Variants in HACD2 observed in about 807,000 individuals in gnomAD.
The protein encoded by HACD2 is 3-hydroxyacyl-CoA dehydratase 2, also known as very-long-chain (3R)-3-hydroxyacyl-CoA dehydratase 2.
A neutral mutation model predicts 31.0 loss-of-function variants in HACD2; 15 were observed. The observed-to-expected ratio is 0.48, with a 90% CI of 0.32 to 0.75. HACD2 has a LOEUF of 0.75. HACD2 is among the 30% of genes least tolerant of loss of function. HACD2 has a pLI of 0.03. For missense variants in HACD2, 283 were observed against 313.0 expected, an observed-to-expected ratio of 0.90 and a Z score of 0.72; for synonymous variants, 115 against 122.2, an observed-to-expected ratio of 0.94 and a Z score of 0.39.
chr3:123,520,466 T>C (rs2056199876), intron 4 of HACD2, among the ~76,000 whole-genome samples: 1 of 152,210 alleles, frequency 6.6e-6, no homozygotes. Flanking sequence ...TGAAATTCAA[T>C]TCCTCAGTCA....
intron 3 of HACD2, among the ~76,000 whole-genome samples, chr3:123,530,738 G>T (rs2056350362): frequency 6.6e-6 from 1 of 151,810 alleles, no homozygotes; most frequent in African/African-American, 2.4e-5. Flanking sequence ...TTTTTGTAGA[G>T]ACAACGTCTT....
chr3:123,539,130 T>C (rs768813406), intron 3 of HACD2, among the ~76,000 whole-genome samples: 3 of 152,136 alleles, frequency 2.0e-5, no homozygotes, highest in African/African-American at 2.4e-5. Context: ...TTACATTAAA[T>C]AGATAAAAGG....
rs148793008 is a variant in HACD2 at position 123,511,159 on chromosome 3, C to T, written c.382-8478G>A. On this transcript the variant is annotated intron_variant, in intron 4 of 6. Coordinates refer to ENST00000383657, the MANE Select transcript of HACD2 (RefSeq NM_198402.5). ...CTCTTTTTAATATTTATGGTGACAG[C>T]AGTAAAAATAATTATACCTAATTGT... 2.3e-4 allele frequency among the ~76,000 whole-genome samples: 35 copies of T among 152,124 alleles called. No homozygotes were observed. The East Asian group carries it at 6.2e-3, about 27-fold the overall frequency.
intron 5 of HACD2, 149 bp from the exon 6 acceptor site, chr3:123,500,842 C>A: frequency 4.1e-6 from 2 of 488,762 alleles, no homozygotes; most frequent in African/African-American, 2.0e-5. Flanking sequence ...TCAGGTTTTA[C>A]AAGCCAGTTT....
Position 123,492,328 on chromosome 3 carries a change from T to G in HACD2, c.*2560A>C, listed in dbSNP as rs930157023. 6.6e-6 allele frequency: 1 copy of G among 152,228 alleles called. No homozygotes were observed. The highest frequency in any genetic ancestry group is 2.4e-5 in the African/African-American group (1 of 41,466). 9.4% of individuals were successfully genotyped at this position (152,228 alleles called of 1,614,324 possible). On this transcript the variant is annotated 3_prime_UTR_variant, in exon 7 of 7. Transcript: ENST00000383657. ...TTTGACTATGCCCTGAAATGAAACC[T>G]CTAAGTCTGACAAAATACCCACAAA...
At chr3:123,554,201 A>G (rs972458824) in intron 3 of HACD2, among the ~76,000 whole-genome samples, 4 of 152,188 alleles carry the variant, frequency 2.6e-5, no homozygotes, top group Non-Finnish European at 4.4e-5. Context: ...AAATGGGAGA[A>G]GGGAAAGAGG....
intron 5 of HACD2, 102 bp from the exon 6 acceptor site, chr3:123,500,795 T>C (rs973347162): frequency 1.5e-5 from 10 of 655,488 alleles, no homozygotes; most frequent in South Asian, 4.3e-5. Context: ...TAGAAAATGA[T>C]TGTTTATACA....
intron 2 of HACD2, among the ~76,000 whole-genome samples, chr3:123,580,843 G>A (rs2056958225): frequency 7.1e-6 from 1 of 140,570 alleles, no homozygotes; most frequent in Non-Finnish European, 1.5e-5. Context: ...TTCATTTCAT[G>A]AGATAAAGAA....
At chr3:123,517,827 G>GGA (rs2056157613) in intron 4 of HACD2, among the ~76,000 whole-genome samples, 1 of 152,196 alleles carries the variant, frequency 6.6e-6, no homozygotes, top group South Asian at 2.1e-4. Context: ...ACCATCTCTT[G>GGA]GACCAGAAAT....
At chr3:123,515,311 G>A (rs2056120045) in intron 4 of HACD2, among the ~76,000 whole-genome samples, 1 of 152,086 alleles carries the variant, frequency 6.6e-6, no homozygotes, top group Non-Finnish European at 1.5e-5. Flanking sequence ...ATACTAGGCT[G>A]GAAGCCCTGT....
At chr3:123,527,090 C>T (rs954781288) in intron 4 of HACD2, among the ~76,000 whole-genome samples, 2 of 152,144 alleles carry the variant, frequency 1.3e-5, no homozygotes, top group African/African-American at 4.8e-5. Context: ...CACTTAATTA[C>T]TGAAAGTACA....
chr3:123,545,547 TTA>T (rs1491465968), intron 3 of HACD2, among the ~76,000 whole-genome samples: 2 of 130,782 alleles, frequency 1.5e-5, no homozygotes, highest in African/African-American at 6.1e-5. Flanking sequence ...TCTTTTTACT[TTA>T]AAAAAAAAAA....
chr3:123,557,332 G>GA (rs1168056067), intron 3 of HACD2, among the ~76,000 whole-genome samples: 1 of 152,120 alleles, frequency 6.6e-6, no homozygotes, highest in African/African-American at 2.4e-5. Context: ...CCAGTCCATG[G>GA]AAAAAATGTC....
intron 3 of HACD2, among the ~76,000 whole-genome samples, chr3:123,566,510 C>G (rs977655290): frequency 6.6e-6 from 1 of 151,892 alleles, no homozygotes; most frequent in African/African-American, 2.4e-5. Context: ...TCTCGAACTC[C>G]TGGCCTCAAG....
chr3:123,509,689 T>C (rs1031949556), intron 4 of HACD2, among the ~76,000 whole-genome samples: 10 of 151,976 alleles, frequency 6.6e-5, no homozygotes, highest in East Asian at 2.0e-4. Context: ...TTAGTAGAGA[T>C]GGGGTTTCAC....
At chr3:123,579,606 C>T (rs1431942228) in intron 2 of HACD2, among the ~76,000 whole-genome samples, 1 of 152,154 alleles carries the variant, frequency 6.6e-6, no homozygotes, top group East Asian at 1.9e-4. Context: ...AGCCACTGTG[C>T]TCAGCTCTAA....
intron 3 of HACD2, among the ~76,000 whole-genome samples, chr3:123,557,078 G>A (rs1311930820): frequency 6.6e-6 from 1 of 152,228 alleles, no homozygotes; most frequent in African/African-American, 2.4e-5. Context: ...AACTTAAAAA[G>A]ACCCTAAAAC....
intron 3 of HACD2, among the ~76,000 whole-genome samples, chr3:123,534,204 TA>T (rs1284141712): frequency 2.6e-5 from 4 of 152,106 alleles, no homozygotes; most frequent in African/African-American, 7.2e-5. Context: ...TGGGGCAGGT[TA>T]GTGAAGTTGG....
At chr3:123,549,398 C>G (rs183089231) in intron 3 of HACD2, among the ~76,000 whole-genome samples, 35 of 152,218 alleles carry the variant, frequency 2.3e-4, no homozygotes, top group Non-Finnish European at 4.9e-4. Flanking sequence ...AGTGTGATAA[C>G]TGCTAAAGAT....
Sources: gnomAD v4.1 joint callset for allele counts (sites outside exome capture counted in the v4.1 genomes callset) on GRCh38, gnomAD v4.1.1 for gene constraint, MANE v1.5 for transcripts, NCBI Gene and HGNC (gene_info 2026-07-23, HGNC 2026-07-21) for gene names.